The following IFT140 variants were observed in gnomAD, a reference collection of about 807,000 sequenced individuals.
IFT140 encodes intraflagellar transport 140.
In IFT140, 133 loss-of-function variants were observed where a neutral mutation model predicts 164.6. That is an observed-to-expected ratio of 0.81 (90% CI 0.70 to 0.93). The LOEUF is 0.93. Among genes scored for constraint, IFT140 ranks in the 40% least tolerant of loss-of-function variants. IFT140 has a pLI of 0.00. For synonymous variants in IFT140, 860 were observed against 817.3 expected, an observed-to-expected ratio of 1.05 and a Z score of -0.89; for missense variants, 2,045 against 1,972.3, an observed-to-expected ratio of 1.04 and a Z score of -0.70.
rs1466459159 is a variant in IFT140, at chr16:1,541,816, C to T, written c.2400-15020G>A. 5.1e-6 allele frequency: 7 copies of T among 1,375,952 alleles called. No individual in the cohort carries two copies. In the East Asian group the frequency reaches 1.3e-4, roughly 25 times the overall value. The allele number at this position is 1,375,952 out of a possible 1,614,324, so 85.2% of individuals were successfully genotyped here. A position where few individuals can be genotyped will look rare whatever the true frequency, so the allele number is the denominator to read the frequency against. On this transcript the variant is annotated intron_variant, in intron 19 of 30. Transcript: ENST00000426508. ...CCAATGGAGGCACAGCCTGTGCCGA[C>T]CGCCCTTTCCGAGGCAAACAGAGAC...
intron 13 of IFT140, among the ~76,000 whole-genome samples, chr16:1,573,358 C>T (rs148796370): frequency 5.7e-4 from 87 of 152,140 alleles, no homozygotes; most frequent in Middle Eastern, 3.4e-3. Context: ...TGCTGGGTCC[C>T]GGGTTCAGAT....
intron 3 of IFT140, among the ~76,000 whole-genome samples, chr16:1,605,593 A>G (rs1254540258): frequency 6.6e-6 from 1 of 151,770 alleles, no homozygotes; most frequent in Non-Finnish European, 1.5e-5. Flanking sequence ...TTTAGTGGAG[A>G]CGGGGTTTCA....
rs139618666 is a variant in IFT140, at chr16:1,589,277, G to A, written c.810+328C>T. Among the ~76,000 whole-genome samples the A allele has an allele frequency of 5.2e-3, 799 of 152,268 alleles. 7 individuals are homozygous for A. Among genetic ancestry groups the A allele is most frequent in the African/African-American group, 0.019 (772 of 41,550 alleles). On this transcript the variant is annotated intron_variant, in intron 7 of 30. Coordinates refer to ENST00000426508, the MANE Select transcript of IFT140 (RefSeq NM_014714.4). Reference sequence around the variant, plus strand: ...CGCCTGCCCGCTGAGTTCTGCAGGTGGAATGAGAGGCTGTGCAGCGAGTGT... The same window carrying A: ...CGCCTGCCCGCTGAGTTCTGCAGGTAGAATGAGAGGCTGTGCAGCGAGTGT...
chr16:1,518,180 G>A, intron 30 of IFT140, 36 bp downstream of exon 30: 1 of 1,573,090 alleles, frequency 6.4e-7, no homozygotes, highest in Non-Finnish European at 8.6e-7. Flanking sequence ...GCCTTGTGTG[G>A]CGGGATGCTG....
chr16:1,583,493 C>A, intron 11 of IFT140, 107 bp from the exon 12 acceptor site: 3 of 815,614 alleles, frequency 3.7e-6, no homozygotes, highest in Non-Finnish European at 6.1e-6. Flanking sequence ...CTGAACACTG[C>A]TGCTCCATCA....
At position 1,520,519 on chromosome 16, in the gene IFT140, G is replaced by A. The variant is rs2040490782; in HGVS notation, c.3660+83C>T. ...CTCAGCCCTAGCTTGGGGTCATCAC[G>A]AAGGCAAATGGAGATGCGTGCAGGG... On this transcript the variant is annotated intron_variant, in intron 27 of 30. Transcript: ENST00000426508. 11 of 1,434,918 alleles carry A rather than the reference G, an allele frequency of 7.7e-6. No homozygotes were observed. In the East Asian group the frequency reaches 2.0e-4, roughly 26 times the overall value. 88.9% of individuals were successfully genotyped at this position (1,434,918 alleles called of 1,614,324 possible).
chr16:1,592,764 G>A (rs537702925), intron 4 of IFT140, among the ~76,000 whole-genome samples, 176 bp from the exon 5 acceptor site: 1 of 151,474 alleles, frequency 6.6e-6, no homozygotes, highest in African/African-American at 2.4e-5. Context: ...CCGGCAGAGT[G>A]ACTGGTGGAG....
intron 4 of IFT140, among the ~76,000 whole-genome samples, chr16:1,599,935 A>G (rs1488211397): frequency 1.9e-4 from 23 of 122,342 alleles, no homozygotes; most frequent in Non-Finnish European, 3.0e-4. Flanking sequence ...CCCGGCCACC[A>G]CCCCGTCTGG....
At chr16:1,605,736 G>A (rs1274596253) in intron 3 of IFT140, among the ~76,000 whole-genome samples, 1 of 152,130 alleles carries the variant, frequency 6.6e-6, no homozygotes, top group African/African-American at 2.4e-5. Flanking sequence ...GAGGTGCACT[G>A]GGCACCGAGA....
At chr16:1,537,591 C>G (rs550919050) in intron 19 of IFT140, among the ~76,000 whole-genome samples, 1 of 152,348 alleles carries the variant, frequency 6.6e-6, no homozygotes, top group Non-Finnish European at 1.5e-5. Context: ...CAGGGGTGCT[C>G]TTTCCCTGTG....
rs1329112640 is a variant in IFT140, at chr16:1,564,100, T to C, written c.1964A>G (p.Gln655Arg). The C allele has an allele frequency of 1.2e-6, 2 of 1,601,662 alleles. No homozygotes were observed. Among genetic ancestry groups the C allele is most frequent in the Non-Finnish European group, 1.7e-6 (2 of 1,170,524 alleles). ...GCATACAAACAGCCGGGGCTCACTC[T>C]GGTCCCAGAAGTGGTTCACGGGAAC... ...NYVPVNHFWDQSEPRLFVCEA... is the reference protein window; with the variant it reads ...NYVPVNHFWDRSEPRLFVCEA... Residue 655 changes from glutamine (Q) to arginine (R), a missense_variant, in exon 17 of 31, where the codon CAG becomes CGG. Physicochemically the swap from Gln to Arg is conservative, Grantham distance 43 (BLOSUM62 1). Coordinates refer to ENST00000426508, the MANE Select transcript of IFT140 (RefSeq NM_014714.4). The surrounding 1 kb of genome is among the most constrained non-coding windows in gnomAD (Gnocchi z 5.5).
intron 17 of IFT140, among the ~76,000 whole-genome samples, chr16:1,562,431 C>T (rs1236113865): frequency 2.0e-5 from 3 of 152,178 alleles, no homozygotes; most frequent in Non-Finnish European, 2.9e-5. Context: ...AAAGAGCTTT[C>T]ATGGTTTAAA....
At chr16:1,523,448 C>T in intron 26 of IFT140, 70 bp downstream of exon 26, 1 of 1,513,082 alleles carries the variant, frequency 6.6e-7, no homozygotes, top group Non-Finnish European at 9.0e-7. Context: ...ATTCCCACAG[C>T]CTCTGGGGAC....
At chr16:1,568,144 C>G (rs1302492165) in intron 15 of IFT140, 73 bp downstream of exon 15, 2 of 1,055,476 alleles carry the variant, frequency 1.9e-6, no homozygotes, top group East Asian at 5.2e-5. Context: ...GAGGCACGAG[C>G]AGGCAGGAGG....
chr16:1,583,387 C>G lies in IFT140; in HGVS notation c.1360-1G>C. On this transcript the variant is annotated splice_acceptor_variant, in intron 11 of 30. Coordinates refer to ENST00000426508, the MANE Select transcript of IFT140 (RefSeq NM_014714.4). LOFTEE classifies it high-confidence loss of function. Reference sequence around the variant, plus strand: ...TTCCGTTCCAGACTGCGACAGCATCCTGAAAAGAACCACGGACATTCGAGG... The same window carrying G: ...TTCCGTTCCAGACTGCGACAGCATCGTGAAAAGAACCACGGACATTCGAGG... 1 of 1,614,004 alleles carries G rather than the reference C, an allele frequency of 6.2e-7. No homozygotes were observed. Among genetic ancestry groups the G allele is most frequent in the Non-Finnish European group, 8.5e-7 (1 of 1,179,918 alleles).
At chr16:1,580,588 G>A in intron 13 of IFT140, 171 bp downstream of exon 13, 1 of 539,464 alleles carries the variant, frequency 1.9e-6, no homozygotes, top group Non-Finnish European at 3.3e-6. Flanking sequence ...GCAGTAATGT[G>A]AGTCAACAAA....
At chr16:1,539,866 C>A (rs1793696724) in intron 19 of IFT140, among the ~76,000 whole-genome samples, 1 of 152,356 alleles carries the variant, frequency 6.6e-6, no homozygotes, top group African/African-American at 2.4e-5. Flanking sequence ...CCCGGGGACC[C>A]CGTGCCCCAG....
chr16:1,567,533 A>G (rs2033784833), intron 15 of IFT140, among the ~76,000 whole-genome samples: 1 of 152,124 alleles, frequency 6.6e-6, no homozygotes, highest in African/African-American at 2.4e-5. Context: ...ACACCCTCCA[A>G]GCACACGTGC....
intron 19 of IFT140, among the ~76,000 whole-genome samples, chr16:1,557,009 G>T (rs1360794286): frequency 6.6e-6 from 1 of 151,916 alleles, no homozygotes; most frequent in African/African-American, 2.4e-5. Context: ...TGGGGGGGCG[G>T]TTCTCCATGT....
Sources: allele counts gnomAD v4.1 joint callset (sites outside exome capture counted in the v4.1 genomes callset), GRCh38; gene constraint gnomAD v4.1.1; non-coding constraint Gnocchi (gnomAD v3.1); transcripts MANE v1.5; gene names NCBI Gene and HGNC (gene_info 2026-07-23, HGNC 2026-07-21).